Variants in PPP1CC observed in about 807,000 individuals in gnomAD.
The protein encoded by PPP1CC is protein phosphatase 1 catalytic subunit gamma.
Under a neutral mutation model 38.4 loss-of-function variants are expected in PPP1CC, and 16 were observed. That is an observed-to-expected ratio of 0.42 (90% CI 0.28 to 0.63). The LOEUF is 0.63. Ranked by LOEUF, PPP1CC falls within the 30% of genes least tolerant of loss-of-function variation. PPP1CC has a pLI of 0.25. For missense variants in PPP1CC, 170 were observed against 391.3 expected, an observed-to-expected ratio of 0.43 and a Z score of 4.77; for synonymous variants, 158 against 136.0, an observed-to-expected ratio of 1.16 and a Z score of -1.13.
intron 1 of PPP1CC, among the ~76,000 whole-genome samples, chr12:110,740,193 A>G (rs1461263770): frequency 6.6e-6 from 1 of 152,162 alleles, no homozygotes; most frequent in African/African-American, 2.4e-5. Flanking sequence ...CTAAACACGT[A>G]AAAAAATCTG....
the PPP1CC span, among the ~76,000 whole-genome samples, chr12:110,709,016 G>A: frequency 1.1e-4 from 16 of 151,996 alleles, no homozygotes; most frequent in Admixed American, 7.9e-4. Context: ...GGATAAAGAT[G>A]TGAAGAAAAT....
chr12:110,736,434 A>C (rs994799253), intron 1 of PPP1CC, among the ~76,000 whole-genome samples: 1 of 151,840 alleles, frequency 6.6e-6, no homozygotes, highest in Non-Finnish European at 1.5e-5. Context: ...ACTTGAGCTC[A>C]GGAGTTAGAG....
intron 1 of PPP1CC, among the ~76,000 whole-genome samples, chr12:110,739,090 C>T (rs992524656): frequency 2.0e-5 from 3 of 152,098 alleles, no homozygotes; most frequent in South Asian, 2.1e-4. Context: ...GAGTCTGAGG[C>T]GGGCAGACCA....
At chr12:110,727,987 C>T (rs1016202676) in intron 3 of PPP1CC, among the ~76,000 whole-genome samples, 1 of 152,198 alleles carries the variant, frequency 6.6e-6, no homozygotes, top group African/African-American at 2.4e-5. Context: ...GAAACTGATG[C>T]AGCCAGTATC....
rs745830399 is a variant in PPP1CC, at chr12:110,721,127, C to T, written c.921G>A (p.Thr307=). 38 of 1,613,728 alleles carry T rather than the reference C, an allele frequency of 2.4e-5. No individual in the cohort carries two copies. The highest frequency in any genetic ancestry group is 3.1e-5 in the Non-Finnish European group (36 of 1,179,808). Residue 307 remains threonine (T), a synonymous_variant, in exon 7 of 7, where the codon ACG becomes ACA. Coordinates refer to ENST00000335007, the MANE Select transcript of PPP1CC (RefSeq NM_002710.4). The part of the protein sequence containing the change: ...KPAEKKKPNA[T]RPVTPPRGMI... ...TACCCCTTGGAGGCGTTACAGGTCT[C>T]GTGGCATTTGGCTTCTTTTTCTCTG...
chr12:110,730,837 T>C, intron 2 of PPP1CC, 78 bp from the exon 3 acceptor site: 1 of 957,628 alleles, frequency 1.0e-6, no homozygotes, highest in Non-Finnish European at 1.6e-6. Context: ...AAAGACATTC[T>C]TTAAATATTC....
chr12:110,718,838 A>G (rs1482180344), downstream of PPP1CC, among the ~76,000 whole-genome samples: 1 of 152,150 alleles, frequency 6.6e-6, no homozygotes, highest in Non-Finnish European at 1.5e-5. Context: ...ACAGATTTCA[A>G]ACTGAGTCTC....
chr12:110,738,259 T>C (rs775228879), intron 1 of PPP1CC, among the ~76,000 whole-genome samples: 2 of 152,232 alleles, frequency 1.3e-5, no homozygotes, highest in Admixed American at 6.5e-5. Context: ...ATGCTTTGGA[T>C]ACAGAGGTAT....
Position 110,722,753 on chromosome 12 carries a change from C to T in PPP1CC, c.524-58G>A. ...AGCAGAACTTTTAAAAGGATACTAC[C>T]CCTTCAAAAGTTCCATTTGTCTACA... On this transcript the variant is annotated intron_variant, in intron 4 of 6. Coordinates refer to ENST00000335007, the MANE Select transcript of PPP1CC (RefSeq NM_002710.4). This position sits in a 1 kb window ranked among gnomAD's most constrained non-coding sequence, Gnocchi z 5.4. 3.8e-6 allele frequency: 5 copies of T among 1,326,446 alleles called. No individual in the cohort carries two copies. The highest frequency in any genetic ancestry group is 5.2e-6 in the Non-Finnish European group (5 of 970,800). The allele number at this position is 1,326,446 out of a possible 1,614,324, so 82.2% of individuals were successfully genotyped here. A position where few individuals can be genotyped will look rare whatever the true frequency, so the allele number is the denominator to read the frequency against.
rs113991323 is a variant in PPP1CC at position 110,737,037 on chromosome 12, T to C, written c.56-5136A>G. ...ATATGCCACATCATATTCATTTCAG[T>C]GAAATCAATAGCCTCATGATATTTG... On this transcript the variant is annotated intron_variant, in intron 1 of 6. Coordinates refer to ENST00000335007, the MANE Select transcript of PPP1CC (RefSeq NM_002710.4). Among the ~76,000 whole-genome samples the C allele has an allele frequency of 1.5e-3, 224 of 152,334 alleles. 1 individual carries two copies. Among genetic ancestry groups the C allele is most frequent in the African/African-American group, 5.1e-3 (210 of 41,570 alleles).
chr12:110,715,453 T>C (rs1051722190), downstream of PPP1CC, among the ~76,000 whole-genome samples: 3 of 151,994 alleles, frequency 2.0e-5, no homozygotes, highest in African/African-American at 7.3e-5. Context: ...CCCAAGTAGC[T>C]GGGACCACAA....
the PPP1CC span, among the ~76,000 whole-genome samples, chr12:110,709,065 A>T: frequency 1.6e-4 from 24 of 152,110 alleles, 1 homozygote; most frequent in Admixed American, 1.6e-3. Flanking sequence ...ACACAGAGAA[A>T]CAACTATGAG....
At position 110,722,374 on chromosome 12, in the gene PPP1CC, T is replaced by C; in HGVS notation, c.747+98A>G. On this transcript the variant is annotated intron_variant, in intron 5 of 6. Coordinates refer to ENST00000335007, the MANE Select transcript of PPP1CC (RefSeq NM_002710.4). The surrounding 1 kb of genome is among the most constrained non-coding windows in gnomAD (Gnocchi z 5.4). Reference sequence around the variant, plus strand: ...TGATATCTTGTGTTCCAGAAACACTTTGTATAAATAAGCAATACCTACCCA... The same window carrying C: ...TGATATCTTGTGTTCCAGAAACACTCTGTATAAATAAGCAATACCTACCCA... 6.4e-7 allele frequency: 1 copy of C among 1,559,998 alleles called. No homozygotes were observed.
intron 1 of PPP1CC, chr12:110,733,107 A>G (rs543602988): frequency 6.6e-6 from 1 of 152,192 alleles, no homozygotes; most frequent in African/African-American, 2.4e-5. Context: ...TTCGTAAGTA[A>G]TTTTTTTTCT....
chr12:110,738,085 T>C (rs955969581), intron 1 of PPP1CC, among the ~76,000 whole-genome samples: 5 of 152,228 alleles, frequency 3.3e-5, no homozygotes, highest in African/African-American at 1.2e-4. Flanking sequence ...TTCGGTAATA[T>C]ACCACTGAGT....
chr12:110,730,845 T>TAA, intron 2 of PPP1CC, 86 bp from the exon 3 acceptor site: 1 of 892,774 alleles, frequency 1.1e-6, no homozygotes, highest in Non-Finnish European at 1.7e-6. Flanking sequence ...TCTTTAAATA[T>TAA]TCATTGTACA....
In PPP1CC at chr12:110,720,328, T is replaced by C; in HGVS notation, c.*748A>G. On this transcript the variant is annotated 3_prime_UTR_variant, in exon 7 of 7. Transcript: ENST00000335007. ...GCTATTCAAAATCAAAAACCTGTTT[T>C]TGAATCCCCAAGAAGGCAGCATGTG... is the stretch of plus-strand genomic sequence containing the variant. The C allele has an allele frequency of 1.2e-6, 1 of 803,840 alleles. No individual in the cohort carries two copies. Among genetic ancestry groups the C allele is most frequent in the Non-Finnish European group, 2.0e-6 (1 of 506,594 alleles). 49.8% of individuals were successfully genotyped at this position (803,840 alleles called of 1,614,324 possible).
At chr12:110,733,230 C>T (rs755694621) in intron 1 of PPP1CC, among the ~76,000 whole-genome samples, 20 of 152,170 alleles carry the variant, frequency 1.3e-4, no homozygotes, top group Non-Finnish European at 2.1e-4. Context: ...ATAAGTTAAC[C>T]AAAAACTTGG....
the PPP1CC span, among the ~76,000 whole-genome samples, chr12:110,710,858 CCT>C: frequency 6.6e-6 from 1 of 151,930 alleles, no homozygotes; most frequent in East Asian, 1.9e-4. Flanking sequence ...AAGGCAAGAC[CCT>C]GTCTCTCTAA....
Sources: allele counts gnomAD v4.1 joint callset (sites outside exome capture counted in the v4.1 genomes callset), GRCh38; gene constraint gnomAD v4.1.1; non-coding constraint Gnocchi (gnomAD v3.1); transcripts MANE v1.5; gene names NCBI Gene and HGNC (gene_info 2026-07-23, HGNC 2026-07-21).